CDH12: variants seen among roughly 807,000 people sequenced by gnomAD.
CDH12 encodes the protein cadherin-12.
Under a neutral mutation model 74.1 loss-of-function variants are expected in CDH12, and 41 were observed. The ratio of observed to expected loss-of-function variants is 0.55; its 90% CI spans 0.43 to 0.72. The LOEUF (loss-of-function observed/expected upper bound fraction) is 0.72, where lower values mean the gene tolerates loss of function less well. Ranked by LOEUF, CDH12 falls within the 30% of genes least tolerant of loss-of-function variation. The pLI is 0.00. For missense variants in CDH12, 945 were observed against 977.2 expected (o/e 0.97, Z 0.44); for synonymous variants, 399 against 355.0 (o/e 1.12, Z -1.39).
In CDH12 at chr5:21,966,622, T is replaced by C. The variant is rs895036191; in HGVS notation, c.526+8469A>G. On this transcript the variant is annotated intron_variant, in intron 6 of 14. Coordinates refer to ENST00000382254, the MANE Select transcript of CDH12 (RefSeq NM_004061.5). ...GAACCTGTTGAACATACACCTAAAATAAAACATTTGGCAAGATACAGTACT... is the reference window on the plus strand; with the variant it reads ...GAACCTGTTGAACATACACCTAAAACAAAACATTTGGCAAGATACAGTACT... Among the ~76,000 whole-genome samples the C allele has an allele frequency of 5.3e-5, 8 of 152,210 alleles. 1 individual carries two copies. Among genetic ancestry groups the C allele is most frequent in the African/African-American group, 1.9e-4 (8 of 41,530 alleles).
chr5:21,809,479 A>T (rs926306173), intron 9 of CDH12, among the ~76,000 whole-genome samples: 5 of 152,160 alleles, frequency 3.3e-5, no homozygotes, highest in Non-Finnish European at 7.4e-5. Flanking sequence ...TGTTGTACAC[A>T]ACAATTGGAA....
chr5:22,182,592 T>C (rs1241561089), intron 4 of CDH12, among the ~76,000 whole-genome samples: 6 of 151,910 alleles, frequency 3.9e-5, no homozygotes, highest in South Asian at 2.1e-4. Flanking sequence ...AATAGGAAAA[T>C]AAAAGGAAGA....
intron 3 of CDH12, among the ~76,000 whole-genome samples, chr5:22,388,461 T>C (rs1331755667): frequency 5.3e-5 from 8 of 152,006 alleles, no homozygotes; most frequent in Admixed American, 5.2e-4. Flanking sequence ...CCTGAGATCA[T>C]AAAGATTAAG....
chr5:21,881,878 T>TA (rs1306460728), intron 6 of CDH12, among the ~76,000 whole-genome samples: 1 of 152,186 alleles, frequency 6.6e-6, no homozygotes, highest in Non-Finnish European at 1.5e-5. Context: ...TAATATCATT[T>TA]AAAAATCTAG....
intron 9 of CDH12, 76 bp downstream of exon 9, chr5:21,816,869 G>A (rs910054671): frequency 2.9e-6 from 3 of 1,046,644 alleles, no homozygotes; most frequent in Non-Finnish European, 4.1e-6. Context: ...AAAATTACTT[G>A]TCATTTTCAA....
intron 4 of CDH12, among the ~76,000 whole-genome samples, chr5:22,123,845 A>C (rs1192887304): frequency 2.0e-5 from 3 of 152,222 alleles, no homozygotes; most frequent in Non-Finnish European, 4.4e-5. Flanking sequence ...TGGCAGCATT[A>C]GAATCTGAGC....
intron 2 of CDH12, among the ~76,000 whole-genome samples, chr5:22,436,449 A>G (rs553660626): frequency 5.5e-4 from 84 of 151,410 alleles, no homozygotes; most frequent in Admixed American, 5.2e-3. Context: ...TAAAAAAAAT[A>G]TATATATAAA....
chr5:22,286,869 A>G (rs1485450271), intron 3 of CDH12, among the ~76,000 whole-genome samples: 1 of 152,210 alleles, frequency 6.6e-6, no homozygotes, highest in East Asian at 1.9e-4. Context: ...TAATACTGAG[A>G]CATTTATGAA....
chr5:21,787,855 G>A (rs140472411), intron 10 of CDH12, among the ~76,000 whole-genome samples: 98 of 152,196 alleles, frequency 6.4e-4, no homozygotes, highest in African/African-American at 2.2e-3. Flanking sequence ...TTAATTCTCC[G>A]TACCGCATAT....
chr5:22,133,794 T>TTAA (rs1746309920), intron 4 of CDH12, among the ~76,000 whole-genome samples: 1 of 151,876 alleles, frequency 6.6e-6, no homozygotes, highest in South Asian at 2.1e-4. Context: ...TGGTGAACAG[T>TTAA]TAAAGTATGC....
At chr5:21,956,041 T>C (rs915722954) in intron 6 of CDH12, among the ~76,000 whole-genome samples, 22 of 152,136 alleles carry the variant, frequency 1.4e-4, no homozygotes, top group African/African-American at 4.6e-4. Flanking sequence ...ATAATAAATA[T>C]TTTACTCTTT....
intron 5 of CDH12, among the ~76,000 whole-genome samples, chr5:22,037,369 G>C (rs1360400805): frequency 2.0e-5 from 3 of 152,184 alleles, no homozygotes; most frequent in African/African-American, 7.2e-5. Context: ...GAACCAGAAT[G>C]ATATAGCCTG....
At chr5:22,625,657 C>T (rs778087603) in intron 1 of CDH12, among the ~76,000 whole-genome samples, 5 of 152,184 alleles carry the variant, frequency 3.3e-5, no homozygotes, top group Admixed American at 6.5e-5. Context: ...AAGGCCTGTC[C>T]TATCTGAGTG....
At chr5:22,398,117 A>T (rs576790048) in intron 3 of CDH12, among the ~76,000 whole-genome samples, 1 of 152,242 alleles carries the variant, frequency 6.6e-6, no homozygotes, top group South Asian at 2.1e-4. Flanking sequence ...TGCAACAATT[A>T]AGTCAAAGAA....
intron 1 of CDH12, among the ~76,000 whole-genome samples, chr5:22,513,924 G>A (rs1464209406): frequency 2.7e-5 from 4 of 148,974 alleles, no homozygotes; most frequent in Non-Finnish European, 4.4e-5. Context: ...CTCCAGCCCG[G>A]GGCCACATTG....
chr5:22,590,295 A>G (rs1350802140), intron 1 of CDH12, among the ~76,000 whole-genome samples: 1 of 152,154 alleles, frequency 6.6e-6, no homozygotes, highest in Non-Finnish European at 1.5e-5. Context: ...AAGCAAAAAG[A>G]AAAAGAGAGA....
chr5:22,203,888 T>TC (rs1479265382), intron 4 of CDH12, among the ~76,000 whole-genome samples: 6 of 152,120 alleles, frequency 3.9e-5, no homozygotes, highest in African/African-American at 1.4e-4. Context: ...CCATTGTATG[T>TC]CCCCCTTTTG....
chr5:22,432,573 G>GTA (rs768562937), intron 2 of CDH12, among the ~76,000 whole-genome samples: 2 of 151,910 alleles, frequency 1.3e-5, no homozygotes, highest in African/African-American at 2.4e-5. Context: ...GTGTGTGTGT[G>GTA]TGTGTATAAA....
intron 3 of CDH12, among the ~76,000 whole-genome samples, chr5:22,273,673 C>T (rs751745547): frequency 3.3e-5 from 5 of 152,166 alleles, no homozygotes; most frequent in Non-Finnish European, 7.3e-5. Flanking sequence ...TTTACTTCCA[C>T]TTCTCAGACT....
Sources: allele counts gnomAD v4.1 joint callset (sites outside exome capture counted in the v4.1 genomes callset), GRCh38; gene constraint gnomAD v4.1.1; transcripts MANE v1.5; gene names NCBI Gene and HGNC (gene_info 2026-07-23, HGNC 2026-07-21).